TRNT1: variants seen among roughly 807,000 people sequenced by gnomAD.
The protein encoded by TRNT1 is tRNA nucleotidyl transferase 1.
TRNT1 carries 44 observed loss-of-function variants against 45.6 expected under a neutral mutation model. The ratio of observed to expected loss-of-function variants is 0.97; its 90% CI spans 0.76 to 1.24. TRNT1 has a LOEUF of 1.24. Among genes scored for constraint, TRNT1 ranks in the 50% most tolerant of loss-of-function variants. TRNT1 has a pLI of 0.00. For missense variants in TRNT1, 633 were observed against 504.4 expected, an observed-to-expected ratio of 1.25 and a Z score of -2.44; for synonymous variants, 201 against 171.4, an observed-to-expected ratio of 1.17 and a Z score of -1.35.
chr3:3,141,656 A>G (rs1705664599), intron 4 of TRNT1, among the ~76,000 whole-genome samples: 1 of 152,214 alleles, frequency 6.6e-6, no homozygotes, highest in African/African-American at 2.4e-5. Flanking sequence ...CATATGTTGT[A>G]CTTTAAAGTT....
chr3:3,140,857 C>T (rs941738291), intron 4 of TRNT1: 20 of 430,608 alleles, frequency 4.6e-5, no homozygotes, highest in Admixed American at 1.8e-4. Context: ...CCAAGGCAGG[C>T]GGATCATGGG....
At chr3:3,150,069 A>AAAT (rs1386538025), downstream of TRNT1, 16 of 152,126 alleles carry the variant, frequency 1.1e-4, no homozygotes, top group East Asian at 5.8e-4. Context: ...ACATTGAACA[A>AAAT]AATAATACAG....
chr3:3,127,241 C>T (rs1004882506), intron 1 of TRNT1: 2 of 152,424 alleles, frequency 1.3e-5, no homozygotes, highest in African/African-American at 4.8e-5. Flanking sequence ...CGCGGACGGC[C>T]CCGAGACGCT....
intron 3 of TRNT1, among the ~76,000 whole-genome samples, chr3:3,138,038 C>G (rs2126018681): frequency 6.6e-6 from 1 of 152,326 alleles, no homozygotes; most frequent in Admixed American, 6.5e-5. Flanking sequence ...GATTTAAACA[C>G]ATTATATCAA....
downstream of TRNT1, among the ~76,000 whole-genome samples, chr3:3,152,228 G>GC (rs1237686090): frequency 6.6e-6 from 1 of 150,410 alleles, no homozygotes; most frequent in Non-Finnish European, 1.5e-5. Context: ...TTGGCTCACT[G>GC]CAACACTCTT....
At chr3:3,151,219 C>T (rs1672770), downstream of TRNT1, among the ~76,000 whole-genome samples, 99,972 of 151,980 alleles carry the variant, frequency 0.66, 34,893 homozygotes, top group Middle Eastern at 0.8. Context: ...AAAACATTTT[C>T]TAATTTTGTA....
downstream of TRNT1, among the ~76,000 whole-genome samples, chr3:3,152,018 G>A (rs1044704061): frequency 1.3e-5 from 2 of 152,118 alleles, no homozygotes; most frequent in Admixed American, 6.6e-5. Context: ...AACAATTTTG[G>A]ATTTAACTGG....
intron 2 of TRNT1, among the ~76,000 whole-genome samples, chr3:3,135,729 T>A (rs1167864264): frequency 1.3e-5 from 2 of 152,088 alleles, no homozygotes; most frequent in East Asian, 3.9e-4. Flanking sequence ...TTTTGAGTTG[T>A]GATTAGAGGT....
chr3:3,142,812 A>G (rs995796830), intron 4 of TRNT1, among the ~76,000 whole-genome samples: 1 of 152,134 alleles, frequency 6.6e-6, no homozygotes, highest in African/African-American at 2.4e-5. Context: ...ATACCATATT[A>G]TTTGCTACTT....
At chr3:3,143,403 T>G (rs1000707944) in intron 4 of TRNT1, among the ~76,000 whole-genome samples, 18 of 152,246 alleles carry the variant, frequency 1.2e-4, no homozygotes, top group Admixed American at 2.6e-4. Flanking sequence ...AACATTTGTT[T>G]ATTACCATTT....
chr3:3,137,461 A>T lies in TRNT1; in HGVS notation c.342+8A>T. ...GGAACAATTACTGCCAGGGTGAGTCAAAAGTTTGACAGGTAATTACATTGC... is the reference window on the plus strand; with the variant it reads ...GGAACAATTACTGCCAGGGTGAGTCTAAAGTTTGACAGGTAATTACATTGC... On this transcript the variant is annotated splice_region_variant and intron_variant, in intron 3 of 7. Coordinates refer to ENST00000251607, the MANE Select transcript of TRNT1 (RefSeq NM_182916.3). The T allele has an allele frequency of 6.3e-7, 1 of 1,590,668 alleles. No individual in the cohort carries two copies. Among genetic ancestry groups the T allele is most frequent in the South Asian group, 1.2e-5 (1 of 86,686 alleles).
chr3:3,135,129 G>C (rs1705246678), intron 2 of TRNT1, among the ~76,000 whole-genome samples: 1 of 152,146 alleles, frequency 6.6e-6, no homozygotes, highest in Non-Finnish European at 1.5e-5. Flanking sequence ...TTTGGTGACT[G>C]CTATGTGAAT....
intron 2 of TRNT1, chr3:3,130,246 G>C (rs1443981150): frequency 1.1e-5 from 4 of 368,456 alleles, no homozygotes; most frequent in East Asian, 5.3e-5. Context: ...ACACATGCTC[G>C]GGTTCTACCT....
Position 3,148,076 on chromosome 3 carries a change from A to G in TRNT1, c.1227A>G (p.Gln409=). 1 of 1,613,980 alleles carries G rather than the reference A, an allele frequency of 6.2e-7. No individual in the cohort carries two copies. Among genetic ancestry groups the G allele is most frequent in the East Asian group, 2.2e-5 (1 of 44,876 alleles). ...SSGKEIGALL[Q]QLREQWKKSG... ...GAAAAGAAATTGGGGCTCTATTACA[A>G]CAGTTGCGAGAACAGTGGAAAAAAA... is the stretch of plus-strand genomic sequence containing the variant. The change falls in exon 8 of 8, where the codon CAA becomes CAG. Residue 409 remains glutamine, a synonymous_variant. Coordinates refer to ENST00000251607, the MANE Select transcript of TRNT1 (RefSeq NM_182916.3).
chr3:3,151,767 G>C (rs1289067962), downstream of TRNT1, among the ~76,000 whole-genome samples: 1 of 151,630 alleles, frequency 6.6e-6, no homozygotes, highest in Non-Finnish European at 1.5e-5. Flanking sequence ...GAAAACTGAA[G>C]ATAGTACAGC....
At chr3:3,149,575 G>GGAGT (rs1207342856), downstream of TRNT1, 4 of 152,118 alleles carry the variant, frequency 2.6e-5, no homozygotes, top group East Asian at 7.7e-4. Context: ...GGAACTTCCT[G>GGAGT]GAGTAAGTAA....
rs138325966 is a variant in TRNT1 at position 3,140,091 on chromosome 3, T to C, written c.343-419T>C. Among the ~76,000 whole-genome samples, 694 of 152,348 alleles carry C rather than the reference T, an allele frequency of 4.6e-3. 6 individuals carry two copies. The highest frequency in any genetic ancestry group is 0.016 in the African/African-American group (658 of 41,576). ...TTGCAAGATCTGTTAACTGTACTTA[T>C]TCTTTATCAGTCTTTCGCTCAATGG... On this transcript the variant is annotated intron_variant, in intron 3 of 7. Coordinates refer to ENST00000251607, the MANE Select transcript of TRNT1 (RefSeq NM_182916.3).
downstream of TRNT1, chr3:3,152,635 A>G (rs1399432085): frequency 6.2e-6 from 10 of 1,608,484 alleles, no homozygotes; most frequent in East Asian, 2.2e-5. Context: ...GAGAAGTCTA[A>G]TTTTATTAAA....
At position 3,126,972 on chromosome 3, in the gene TRNT1, T is replaced by G. The variant is rs1365365294; in HGVS notation, c.-46T>G. The G allele has an allele frequency of 6.5e-6, 1 of 152,938 alleles. No individual in the cohort carries two copies. The highest frequency in any genetic ancestry group is 6.5e-5 in the Admixed American group (1 of 15,302). The allele number at this position is 152,938 out of a possible 1,614,324, so 9.5% of individuals were successfully genotyped here. ...AAGTGCGCGTGGCGGCGGTGGCGGC[T>G]GCGGCAACAGCGGGGCCGGTAAGCG... On this transcript the variant is annotated 5_prime_UTR_variant, in exon 1 of 8. Transcript: ENST00000251607.
Sources: allele counts gnomAD v4.1 joint callset (sites outside exome capture counted in the v4.1 genomes callset), GRCh38; gene constraint gnomAD v4.1.1; transcripts MANE v1.5; gene names NCBI Gene and HGNC (gene_info 2026-07-23, HGNC 2026-07-21).